KMO: variants seen among roughly 807,000 people sequenced by gnomAD.
KMO encodes the protein kynurenine 3-hydroxylase.
A neutral mutation model predicts 57.8 loss-of-function variants in KMO; 24 were observed. The observed-to-expected ratio is 0.42, with a 90% CI of 0.30 to 0.58. KMO has a LOEUF of 0.58. KMO is among the 20% of genes least tolerant of loss of function. KMO has a pLI of 0.22. For synonymous variants in KMO, 210 were observed against 193.6 expected, an observed-to-expected ratio of 1.08 and a Z score of -0.70; for missense variants, 483 against 588.2, an observed-to-expected ratio of 0.82 and a Z score of 1.85.
At chr1:241,546,363 A>G (rs1371361943) in intron 1 of KMO, among the ~76,000 whole-genome samples, 1 of 152,144 alleles carries the variant, frequency 6.6e-6, no homozygotes, top group African/African-American at 2.4e-5. Context: ...ATGCCAGGTC[A>G]TCTCTCTGCG....
At chr1:241,581,685 G>A (rs1409418431) in intron 10 of KMO, among the ~76,000 whole-genome samples, 2 of 151,904 alleles carry the variant, frequency 1.3e-5, no homozygotes, top group African/African-American at 4.8e-5. Context: ...CATCCCCCTG[G>A]CATTTTGACA....
intron 4 of KMO, among the ~76,000 whole-genome samples, chr1:241,553,867 A>G (rs1661504851): frequency 6.6e-6 from 1 of 152,234 alleles, no homozygotes; most frequent in Non-Finnish European, 1.5e-5. Flanking sequence ...TTTCCTCTTC[A>G]GTCATTGCCA....
chr1:241,567,855 A>T (rs956236210), intron 9 of KMO, among the ~76,000 whole-genome samples: 1 of 152,196 alleles, frequency 6.6e-6, no homozygotes, highest in Non-Finnish European at 1.5e-5. Flanking sequence ...TTCCAGCCAG[A>T]TTTAAGATTC....
chr1:241,538,307 A>G (rs1000918538), intron 1 of KMO, among the ~76,000 whole-genome samples: 1 of 152,246 alleles, frequency 6.6e-6, no homozygotes, highest in East Asian at 1.9e-4. Context: ...TCATTCTCCT[A>G]TTATCCTTAC....
At chr1:241,544,440 G>A (rs979981333) in intron 1 of KMO, among the ~76,000 whole-genome samples, 9 of 152,242 alleles carry the variant, frequency 5.9e-5, no homozygotes, top group South Asian at 4.1e-4. Context: ...TAAGGACTAC[G>A]CTTGGAAATG....
In KMO at chr1:241,565,610, A is replaced by G. The variant is rs559370946; in HGVS notation, c.687+552A>G. Among the ~76,000 whole-genome samples the G allele has an allele frequency of 4.6e-5, 7 of 151,000 alleles. 1 individual carries two copies. The South Asian group carries it at 1.3e-3, about 27-fold the overall frequency. On this transcript the variant is annotated intron_variant, in intron 8 of 14. Coordinates refer to ENST00000366559, the MANE Select transcript of KMO (RefSeq NM_003679.5). ...AGGCATGGTGACACGTGCATCCCCA[A>G]CTACTCAGGAGGCTGAGGTGGGAGG...
rs541553257 is a variant in KMO, at chr1:241,568,663, C to T, written c.957+16C>T. ...AATGAATGCGGTAAGTTCTTTTTCC[C>T]TAGGTAAGTCCCTCAAATACTTCTG... is the stretch of plus-strand genomic sequence containing the variant. On this transcript the variant is annotated intron_variant, in intron 10 of 14. Transcript: ENST00000366559. 1.2e-6 allele frequency: 2 copies of T among 1,610,944 alleles called. No homozygotes were observed. Among genetic ancestry groups the T allele is most frequent in the South Asian group, 2.2e-5 (2 of 90,850 alleles).
intron 11 of KMO, among the ~76,000 whole-genome samples, chr1:241,587,411 C>T (rs1175321100): frequency 6.6e-6 from 1 of 152,174 alleles, no homozygotes; most frequent in African/African-American, 2.4e-5. Flanking sequence ...AACACATCCT[C>T]AGAAACACTT....
At position 241,562,181 on chromosome 1, in the gene KMO, C is replaced by T. The variant is rs367910917; in HGVS notation, c.464C>T (p.Pro155Leu). The change falls in exon 7 of 15, where the codon CCC becomes CTC. Residue 155 changes from proline to leucine, a missense_variant. This residue lies in a region of KMO where 410 missense variants were observed against 492.3 expected (regional missense o/e 0.83). Transcript: ENST00000366559. Reference protein sequence around the residue: ...MITVLGSDKVPKDVTCDLIVG... With the variant: ...MITVLGSDKVLKDVTCDLIVG... ...CTATTTTTCAGATCTGACAAAGTTC[C>T]CAAAGATGTCACTTGTGACCTCATT... 1 of 1,613,756 alleles carries T rather than the reference C, an allele frequency of 6.2e-7. No homozygotes were observed. The highest frequency in any genetic ancestry group is 8.5e-7 in the Non-Finnish European group (1 of 1,179,838).
At chr1:241,556,435 C>A (rs193143412) in intron 5 of KMO, among the ~76,000 whole-genome samples, 1 of 152,328 alleles carries the variant, frequency 6.6e-6, no homozygotes, top group East Asian at 1.9e-4. Flanking sequence ...ACTTCACTGA[C>A]AATTCTCTGA....
chr1:241,594,455 A>G lies in KMO; in HGVS notation c.*2302A>G. 3 of 1,613,512 alleles carry G rather than the reference A, an allele frequency of 1.9e-6. No individual in the cohort carries two copies. Among genetic ancestry groups the G allele is most frequent in the Non-Finnish European group, 2.5e-6 (3 of 1,179,522 alleles). ...ACAAAGGACGAACTTGGATTACATCAACTTTGGACCCATTGGTTTTGTCGC... is the reference window on the plus strand; with the variant it reads ...ACAAAGGACGAACTTGGATTACATCGACTTTGGACCCATTGGTTTTGTCGC... On this transcript the variant is annotated 3_prime_UTR_variant, in exon 15 of 15. Transcript: ENST00000366559.
chr1:241,554,399 A>C (rs1370514897), intron 4 of KMO, among the ~76,000 whole-genome samples: 1 of 151,620 alleles, frequency 6.6e-6, no homozygotes, highest in Non-Finnish European at 1.5e-5. Context: ...GTCCTGCCTC[A>C]GCTTCCTGTG....
chr1:241,591,872 C>A lies in KMO; in HGVS notation c.1261-81C>A, dbSNP rs543602391. On this transcript the variant is annotated intron_variant, in intron 14 of 14. Coordinates refer to ENST00000366559, the MANE Select transcript of KMO (RefSeq NM_003679.5). Reference sequence around the variant, plus strand: ...AAAGAACAAAGAGGACATTGTTTACCCCTTTGTTGTTAAAAAATGAAGTCT... The same window carrying A: ...AAAGAACAAAGAGGACATTGTTTACACCTTTGTTGTTAAAAAATGAAGTCT... 43 of 1,072,224 alleles carry A rather than the reference C, an allele frequency of 4.0e-5. No homozygotes were observed. The African/African-American group carries it at 5.3e-4, about 13-fold the overall frequency. The allele number at this position is 1,072,224 out of a possible 1,614,324, so 66.4% of individuals were successfully genotyped here. A position where few individuals can be genotyped will look rare whatever the true frequency, so the allele number is the denominator to read the frequency against.
chr1:241,559,675 G>A (rs1421658594), intron 5 of KMO, among the ~76,000 whole-genome samples: 1 of 152,034 alleles, frequency 6.6e-6, no homozygotes, highest in Non-Finnish European at 1.5e-5. Context: ...GATGAAGAGA[G>A]GAGATAAGTA....
In KMO at chr1:241,532,517, A is replaced by T. The variant is rs780307737; in HGVS notation, c.54+19A>T. 2.6e-5 allele frequency: 41 copies of T among 1,578,490 alleles called. No homozygotes were observed. The highest frequency in any genetic ancestry group is 3.4e-4 in the Middle Eastern group (2 of 5,906). Reference sequence around the variant, plus strand: ...TGGCTTGGTAAGAATTTTCAGATGGATTACTATTGTTGGTGGTATTATATT... The same window carrying T: ...TGGCTTGGTAAGAATTTTCAGATGGTTTACTATTGTTGGTGGTATTATATT... On this transcript the variant is annotated intron_variant, in intron 1 of 14. Coordinates refer to ENST00000366559, the MANE Select transcript of KMO (RefSeq NM_003679.5).
At chr1:241,583,571 C>G (rs1472281337) in intron 10 of KMO, among the ~76,000 whole-genome samples, 1 of 152,098 alleles carries the variant, frequency 6.6e-6, no homozygotes, top group East Asian at 1.9e-4. Context: ...AGTTTTTCCC[C>G]AAGCTGCACT....
intron 10 of KMO, among the ~76,000 whole-genome samples, chr1:241,573,128 ATTGT>A (rs2147971482): frequency 6.6e-6 from 1 of 151,922 alleles, no homozygotes; most frequent in African/African-American, 2.4e-5. Context: ...TGGTATTGGT[ATTGT>A]TTGTATTTTT....
At chr1:241,573,959 G>C (rs1213581827) in intron 10 of KMO, among the ~76,000 whole-genome samples, 1 of 151,906 alleles carries the variant, frequency 6.6e-6, no homozygotes, top group Admixed American at 6.6e-5. Flanking sequence ...GTGTTTTGTA[G>C]CTCTCTTTTT....
intron 11 of KMO, 34 bp from the exon 12 acceptor site, chr1:241,588,714 A>G: frequency 1.3e-6 from 2 of 1,486,782 alleles, no homozygotes; most frequent in Non-Finnish European, 9.4e-7. Context: ...ATTTTTATAG[A>G]AGGTTTTGGA....
Sources: allele counts gnomAD v4.1 joint callset (sites outside exome capture counted in the v4.1 genomes callset), GRCh38; gene constraint gnomAD v4.1.1; regional missense constraint gnomAD v4.1.1; transcripts MANE v1.5; gene names NCBI Gene and HGNC (gene_info 2026-07-23, HGNC 2026-07-21).